Variants in CTNND2 observed in about 807,000 individuals in gnomAD.
CTNND2 encodes catenin delta-2.
CTNND2 carries 22 observed loss-of-function variants against 144.4 expected under a neutral mutation model. The observed-to-expected ratio is 0.15, with a 90% CI of 0.11 to 0.22. The LOEUF is 0.22. CTNND2 is among the 10% of genes least tolerant of loss of function. CTNND2 has a pLI of 1.00. For synonymous variants in CTNND2, 751 were observed against 695.6 expected, an observed-to-expected ratio of 1.08 and a Z score of -1.25; for missense variants, 1,353 against 1,618.8, an observed-to-expected ratio of 0.84 and a Z score of 2.82.
chr5:11,113,203 G>A (rs1225722384), intron 13 of CTNND2, among the ~76,000 whole-genome samples: 1 of 152,116 alleles, frequency 6.6e-6, no homozygotes, highest in African/African-American at 2.4e-5. Flanking sequence ...CCACAGTGAG[G>A]GTTAATAAGC....
At chr5:11,400,117 GT>G (rs928225455) in intron 5 of CTNND2, among the ~76,000 whole-genome samples, 16 of 149,680 alleles carry the variant, frequency 1.1e-4, no homozygotes, top group East Asian at 9.8e-4. Context: ...TTTAAATTAT[GT>G]TTTTTTTTTC....
intron 16 of CTNND2, among the ~76,000 whole-genome samples, chr5:11,056,446 C>T (rs779674128): frequency 4.6e-5 from 7 of 151,972 alleles, no homozygotes; most frequent in Non-Finnish European, 8.8e-5. Flanking sequence ...ACATATTTGC[C>T]CCTCCAATTT....
chr5:11,411,272 A>G (rs1334197804), intron 5 of CTNND2, among the ~76,000 whole-genome samples: 1 of 152,200 alleles, frequency 6.6e-6, no homozygotes, highest in Non-Finnish European at 1.5e-5. Context: ...GATATCAGAG[A>G]ACAGTGAGAA....
intron 3 of CTNND2, among the ~76,000 whole-genome samples, chr5:11,447,830 G>T (rs766755893): frequency 6.6e-6 from 1 of 151,626 alleles, no homozygotes; most frequent in Non-Finnish European, 1.5e-5. Context: ...ACATTTCAAA[G>T]AATAGTGGGA....
intron 9 of CTNND2, among the ~76,000 whole-genome samples, chr5:11,268,002 G>A (rs1196925865): frequency 6.6e-6 from 1 of 152,138 alleles, no homozygotes; most frequent in Non-Finnish European, 1.5e-5. Flanking sequence ...TGATTGTTGC[G>A]AAGTCCCAAA....
intron 1 of CTNND2, among the ~76,000 whole-genome samples, chr5:11,842,172 T>C (rs552408452): frequency 6.6e-6 from 1 of 152,026 alleles, no homozygotes; most frequent in Non-Finnish European, 1.5e-5. Flanking sequence ...CAGTCCCCTT[T>C]TTTCTCTGAA....
At chr5:11,304,655 C>T (rs931603427) in intron 9 of CTNND2, among the ~76,000 whole-genome samples, 1 of 152,144 alleles carries the variant, frequency 6.6e-6, no homozygotes, top group African/African-American at 2.4e-5. Context: ...CAGGGGTTTC[C>T]ACTCTCAGTC....
chr5:11,420,919 A>G lies in CTNND2; in HGVS notation c.288-8850T>C, dbSNP rs74864700. Among the ~76,000 whole-genome samples the G allele has an allele frequency of 5.3e-5, 8 of 152,252 alleles. No homozygotes were observed. The East Asian group carries it at 1.2e-3, about 22-fold the overall frequency. On this transcript the variant is annotated intron_variant, in intron 3 of 21. Coordinates refer to ENST00000304623, the MANE Select transcript of CTNND2 (RefSeq NM_001332.4). ...CCTGGTATATCTTGAGGAAGTAAGG[A>G]ACTGCTTCCTCTTTTATGAGATTGT... is the stretch of plus-strand genomic sequence containing the variant.
intron 9 of CTNND2, among the ~76,000 whole-genome samples, chr5:11,345,501 A>G (rs1274470344): frequency 6.6e-6 from 1 of 152,118 alleles, no homozygotes; most frequent in Non-Finnish European, 1.5e-5. Context: ...CAACCCCTCA[A>G]TACAGTACAC....
chr5:11,373,864 G>A (rs1326141427), intron 7 of CTNND2, among the ~76,000 whole-genome samples: 7 of 152,138 alleles, frequency 4.6e-5, no homozygotes, highest in African/African-American at 1.7e-4. Flanking sequence ...AGAAATTTGC[G>A]GGTACCTTTG....
rs1316786685 is a variant in CTNND2 at position 11,346,602 on chromosome 5, G to C, written c.1398C>G (p.Ser466=). The change falls in exon 9 of 22, where the codon TCC becomes TCG. Residue 466 remains serine (S), a synonymous_variant. Transcript: ENST00000304623. ...STAPSSPGVD[S]VPLQRTGSQH... The stretch of plus-strand genomic sequence containing the variant: ...GGCTGCCTGTGCGCTGCAAGGGGAC[G>C]GAGTCGACACCAGGGGAAGATGGGG... 15 of 1,549,720 alleles carry C rather than the reference G, an allele frequency of 9.7e-6. No individual in the cohort carries two copies. Among genetic ancestry groups the C allele is most frequent in the Non-Finnish European group, 1.3e-5 (15 of 1,146,790 alleles).
At chr5:11,864,558 C>T (rs1382380011) in intron 1 of CTNND2, among the ~76,000 whole-genome samples, 1 of 152,186 alleles carries the variant, frequency 6.6e-6, no homozygotes, top group African/African-American at 2.4e-5. Context: ...ATTAGCACTC[C>T]CGCTGCCTTT....
intron 3 of CTNND2, among the ~76,000 whole-genome samples, chr5:11,504,741 A>G (rs1297201668): frequency 1.3e-5 from 2 of 152,166 alleles, no homozygotes; most frequent in Non-Finnish European, 2.9e-5. Context: ...GAGAGGCTCC[A>G]CAGGGACCAT....
intron 2 of CTNND2, among the ~76,000 whole-genome samples, chr5:11,689,052 A>C (rs377414428): frequency 6.6e-6 from 1 of 152,190 alleles, no homozygotes; most frequent in Non-Finnish European, 1.5e-5. Context: ...TATTCTCTGT[A>C]CTGCTGTTTT....
intron 3 of CTNND2, among the ~76,000 whole-genome samples, chr5:11,454,964 T>A (rs561610823): frequency 4.5e-4 from 68 of 151,506 alleles, no homozygotes; most frequent in African/African-American, 1.2e-3. Flanking sequence ...GAAAAAAAAA[T>A]TCTGAGTATT....
Position 11,346,405 on chromosome 5 carries a change from G to T in CTNND2, c.1595C>A (p.Ser532Tyr), listed in dbSNP as rs1282533625. ...ALPPEGTLAR[S>Y]PSIDSIQKDP... ...TTTCTGAATGCTATCAATGGACGGG[G>T]ACCTGGCCAAGGTGCCTTCAGGCGG... The change falls in exon 9 of 22, where the codon TCC (serine) becomes TAC (tyrosine). Residue 532 changes from serine to tyrosine, a missense_variant. Transcript: ENST00000304623. 6.6e-7 allele frequency: 1 copy of T among 1,515,200 alleles called. No individual in the cohort carries two copies. Among genetic ancestry groups the T allele is most frequent in the Non-Finnish European group, 8.9e-7 (1 of 1,127,884 alleles). The allele number at this position is 1,515,200 out of a possible 1,614,324, so 93.9% of individuals were successfully genotyped here.
At chr5:11,663,224 A>G (rs1287633772) in intron 2 of CTNND2, among the ~76,000 whole-genome samples, 2 of 152,228 alleles carry the variant, frequency 1.3e-5, no homozygotes, top group Admixed American at 6.5e-5. Context: ...TTTGAAATAT[A>G]AGACTGATAA....
chr5:11,183,559 T>G (rs1580520461), intron 11 of CTNND2, among the ~76,000 whole-genome samples: 1 of 150,024 alleles, frequency 6.7e-6, no homozygotes, highest in African/African-American at 2.5e-5. Context: ...CTTTTTTTTT[T>G]GGTTTTTTTT....
chr5:11,013,172 G>A (rs765407280), intron 18 of CTNND2, among the ~76,000 whole-genome samples: 4 of 152,130 alleles, frequency 2.6e-5, no homozygotes, highest in Non-Finnish European at 4.4e-5. Flanking sequence ...AGAGGAATCC[G>A]TAAGATCTCC....
Sources: allele counts gnomAD v4.1 joint callset (sites outside exome capture counted in the v4.1 genomes callset), GRCh38; gene constraint gnomAD v4.1.1; transcripts MANE v1.5; gene names NCBI Gene and HGNC (gene_info 2026-07-23, HGNC 2026-07-21).